Variants in PPP2R2C observed in about 807,000 individuals in gnomAD.
The protein encoded by PPP2R2C is protein phosphatase 2 regulatory subunit Bgamma.
A neutral mutation model predicts 45.3 loss-of-function variants in PPP2R2C; 10 were observed. The ratio of observed to expected loss-of-function variants is 0.22; its 90% CI spans 0.14 to 0.37. The LOEUF (loss-of-function observed/expected upper bound fraction) is 0.37, where lower values mean the gene tolerates loss of function less well. Ranked by LOEUF, PPP2R2C falls within the 10% of genes least tolerant of loss-of-function variation. PPP2R2C has a pLI of 1.00. For synonymous variants in PPP2R2C, 257 were observed against 245.4 expected, an observed-to-expected ratio of 1.05 and a Z score of -0.44; for missense variants, 308 against 619.7, an observed-to-expected ratio of 0.50 and a Z score of 5.34.
chr4:6,411,604 G>A (rs897809528), intron 1 of PPP2R2C, among the ~76,000 whole-genome samples: 32 of 145,126 alleles, frequency 2.2e-4, no homozygotes, highest in Admixed American at 1.9e-3. Flanking sequence ...CCAGGCTGGA[G>A]TGCAGTGGCG....
At chr4:6,511,837 A>C (rs866609393) in intron 2 of PPP2R2C, among the ~76,000 whole-genome samples, 1 of 4,494 alleles carries the variant, frequency 2.2e-4, no homozygotes, top group African/African-American at 7.9e-4. Flanking sequence ...GGTGGTGGTG[A>C]TGGTGGTGGT....
intron 1 of PPP2R2C, among the ~76,000 whole-genome samples, chr4:6,424,352 A>G (rs13130362): frequency 0.99 from 151,117 of 152,352 alleles, 74,958 homozygotes; most frequent in Middle Eastern, 1. Context: ...TGAAAACAGA[A>G]TGGTCTTTAA....
At chr4:6,355,997 A>G (rs967264105) in intron 5 of PPP2R2C, among the ~76,000 whole-genome samples, 2,050 of 122,910 alleles carry the variant, frequency 0.017, 56 homozygotes, top group African/African-American at 0.09. Context: ...TGCCTGGAAA[A>G]AAAAAAAAAA....
At chr4:6,528,606 C>A (rs1438242259) in intron 2 of PPP2R2C, among the ~76,000 whole-genome samples, 1 of 152,246 alleles carries the variant, frequency 6.6e-6, no homozygotes, top group Non-Finnish European at 1.5e-5. Flanking sequence ...CCCATCCTTA[C>A]TGTCAGGCCT....
Position 6,364,800 on chromosome 4 carries a change from C to T in PPP2R2C, c.625+7723G>A, listed in dbSNP as rs1714135816. ...CTAAGAAGGGAGGCCAGTCAGGTCACCATCATGATCAGAGTGAGACAGTGG... is the reference window on the plus strand; with the variant it reads ...CTAAGAAGGGAGGCCAGTCAGGTCATCATCATGATCAGAGTGAGACAGTGG... On this transcript the variant is annotated intron_variant, in intron 5 of 8. Transcript: ENST00000382599. This position sits in a 1 kb window ranked among gnomAD's most constrained non-coding sequence, Gnocchi z 5.3. Among the ~76,000 whole-genome samples the T allele has an allele frequency of 6.6e-6, 1 of 152,118 alleles. No individual in the cohort carries two copies. The highest frequency in any genetic ancestry group is 6.5e-5 in the Admixed American group (1 of 15,282).
Position 6,323,098 on chromosome 4 carries a change from G to C in PPP2R2C, c.*204C>G, listed in dbSNP as rs1407230699. The C allele has an allele frequency of 1.6e-5, 8 of 515,592 alleles. No homozygotes were observed. Among genetic ancestry groups the C allele is most frequent in the Non-Finnish European group, 2.6e-5 (8 of 305,830 alleles). The allele number at this position is 515,592 out of a possible 1,614,324, so 31.9% of individuals were successfully genotyped here. A position where few individuals can be genotyped will look rare whatever the true frequency, so the allele number is the denominator to read the frequency against. ...CCTTTCCTTTTTATTTTTTTAAACA[G>C]ACAATTACTGCCAAACACAATTCTG... On this transcript the variant is annotated 3_prime_UTR_variant, in exon 9 of 9. Transcript: ENST00000382599.
At chr4:6,381,939 C>T in intron 1 of PPP2R2C, 1 of 1,520,702 alleles carries the variant, frequency 6.6e-7, no homozygotes, top group South Asian at 1.3e-5. Flanking sequence ...GATGAGTGGC[C>T]TGCACATTCT....
intron 8 of PPP2R2C, among the ~76,000 whole-genome samples, chr4:6,326,442 G>A (rs1341993894): frequency 6.6e-6 from 1 of 152,188 alleles, no homozygotes; most frequent in East Asian, 1.9e-4. Context: ...CTCCCCCCAG[G>A]CAGGACAGAT....
chr4:6,448,656 C>T (rs80214642), intron 1 of PPP2R2C, among the ~76,000 whole-genome samples: 3,328 of 152,214 alleles, frequency 0.022, 125 homozygotes, highest in African/African-American at 0.076. Flanking sequence ...GCCCCACCCT[C>T]GTAACCCTCC....
At chr4:6,372,769 A>G in intron 4 of PPP2R2C, 69 bp from the exon 5 acceptor site, 3 of 1,503,064 alleles carry the variant, frequency 2.0e-6, no homozygotes, top group Non-Finnish European at 2.8e-6. Context: ...GCATGCCGTG[A>G]GCATGTGATC....
At chr4:6,538,723 G>A (rs571766098) in intron 1 of PPP2R2C, among the ~76,000 whole-genome samples, 3 of 152,206 alleles carry the variant, frequency 2.0e-5, no homozygotes, top group South Asian at 2.1e-4. Context: ...CGAAAGAGCC[G>A]GCCGCCAATG....
At chr4:6,361,881 G>A (rs13122929) in intron 5 of PPP2R2C, among the ~76,000 whole-genome samples, 123,308 of 152,194 alleles carry the variant, frequency 0.81, 53,768 homozygotes, top group East Asian at 1. Context: ...ATGATCGATC[G>A]ATGGCCTAAG....
At chr4:6,409,866 C>T (rs4282260) in intron 1 of PPP2R2C, among the ~76,000 whole-genome samples, 35,118 of 152,194 alleles carry the variant, frequency 0.23, 5,182 homozygotes, top group East Asian at 0.68. Context: ...AGACTTTCCC[C>T]TCTGCCTGGA....
chr4:6,556,751 C>A (rs759402263), intron 1 of PPP2R2C, among the ~76,000 whole-genome samples: 4 of 152,022 alleles, frequency 2.6e-5, no homozygotes, highest in Non-Finnish European at 4.4e-5. Flanking sequence ...GCAACATGAG[C>A]AACCAGATTC....
chr4:6,522,147 T>C (rs538852442), intron 2 of PPP2R2C, among the ~76,000 whole-genome samples: 1 of 152,168 alleles, frequency 6.6e-6, no homozygotes, highest in Non-Finnish European at 1.5e-5. Flanking sequence ...CTCTCCTGCC[T>C]TCTCCCTGCC....
At chr4:6,511,537 G>C (rs62286099) in intron 2 of PPP2R2C, among the ~76,000 whole-genome samples, 1 of 23,074 alleles carries the variant, frequency 4.3e-5, no homozygotes, top group Non-Finnish European at 1.1e-4. Flanking sequence ...GGTGGTGGTG[G>C]TGGTGGTGAT....
rs1255158638 is a variant in PPP2R2C at position 6,500,943 on chromosome 4, C to T, written c.49+34328G>A. ...AGCCGTCGCACGGCACACATCCACACAGGAGAGGCAGGGAGCAGGAAGCCT... is the reference window on the plus strand; with the variant it reads ...AGCCGTCGCACGGCACACATCCACATAGGAGAGGCAGGGAGCAGGAAGCCT... On this transcript the variant is annotated intron_variant, in intron 2 of 9. Transcript: ENST00000506140. Among the ~76,000 whole-genome samples, 5 of 152,370 alleles carry T rather than the reference C, an allele frequency of 3.3e-5. No individual in the cohort carries two copies. The South Asian group carries it at 1.0e-3, about 32-fold the overall frequency.
chr4:6,323,353 G>C lies in PPP2R2C; in HGVS notation c.1293C>G (p.Ala431=). Residue 431 remains alanine (A), a synonymous_variant, in exon 9 of 9, where the codon GCC becomes GCG. Coordinates refer to ENST00000382599, the MANE Select transcript of PPP2R2C (RefSeq NM_020416.4). The part of the protein sequence containing the change: ...HPAENIIAIA[A]TNNLYIFQDK... ...CCTGGAAGATGTACAGGTTGTTGGT[G>C]GCGGCGATGGCAATGATGTTCTCAG... The C allele has an allele frequency of 6.2e-7, 1 of 1,613,474 alleles. No individual in the cohort carries two copies. The highest frequency in any genetic ancestry group is 8.5e-7 in the Non-Finnish European group (1 of 1,179,468).
At chr4:6,446,067 AT>A (rs1720400646) in intron 1 of PPP2R2C, among the ~76,000 whole-genome samples, 1 of 152,146 alleles carries the variant, frequency 6.6e-6, no homozygotes, top group Non-Finnish European at 1.5e-5. Flanking sequence ...ACTTTACCTA[AT>A]CCCTCTGTGC....
Sources: gnomAD v4.1 joint callset for allele counts (sites outside exome capture counted in the v4.1 genomes callset) on GRCh38, gnomAD v4.1.1 for gene constraint, Gnocchi (gnomAD v3.1) non-coding constraint, MANE v1.5 for transcripts, NCBI Gene and HGNC (gene_info 2026-07-23, HGNC 2026-07-21) for gene names.